Variants in PEAR1 observed in about 807,000 individuals in gnomAD.
The protein encoded by PEAR1 is multiple EGF-like domains protein 12.
Under a neutral mutation model 131.2 loss-of-function variants are expected in PEAR1, and 113 were observed. The observed-to-expected ratio is 0.86, with a 90% CI of 0.74 to 1.01. The LOEUF (loss-of-function observed/expected upper bound fraction) is 1.01, where lower values mean the gene tolerates loss of function less well. PEAR1 is among the 50% of genes least tolerant of loss of function. The probability of loss-of-function intolerance (pLI) is 0.00; values close to 1 mark genes in which losing one functional copy is unlikely to be tolerated. For missense variants in PEAR1, 1,408 were observed against 1,391.1 expected (o/e 1.01, Z -0.19); for synonymous variants, 565 against 523.3 (o/e 1.08, Z -1.09).
At position 156,912,277 on chromosome 1, in the gene PEAR1, G is replaced by T. The variant is rs751839823; in HGVS notation, c.1982G>T (p.Cys661Phe). The T allele has an allele frequency of 3.1e-6, 5 of 1,613,700 alleles. No individual in the cohort carries two copies. Among genetic ancestry groups the T allele is most frequent in the Non-Finnish European group, 3.4e-6 (4 of 1,179,954 alleles). ...CCTCCAGGACACTGGGGAGAAAACT[G>T]TGCCCAGACCTGCCAATGTCACCAT... ...PCPPGHWGENCAQTCQCHHGG... is the reference protein window; with the variant it reads ...PCPPGHWGENFAQTCQCHHGG... Residue 661 changes from cysteine to phenylalanine, a missense_variant, in exon 16 of 23, where the codon TGT (cysteine) becomes TTT (phenylalanine). Cys to Phe is a radical substitution (Grantham distance 205, BLOSUM62 -2). Coordinates refer to ENST00000292357, the MANE Select transcript of PEAR1 (RefSeq NM_001080471.3).
chr1:156,909,098 T>A, intron 11 of PEAR1, 62 bp downstream of exon 11: 1 of 1,602,876 alleles, frequency 6.2e-7, no homozygotes, highest in South Asian at 1.1e-5. Flanking sequence ...GAAGGGAGAG[T>A]CCAAGAGTAT....
At chr1:156,911,655 C>A (rs1651221328) in intron 15 of PEAR1, among the ~76,000 whole-genome samples, 2 of 151,412 alleles carry the variant, frequency 1.3e-5, no homozygotes, top group South Asian at 4.2e-4. Flanking sequence ...ACATGTATTT[C>A]TTTATTTTAT....
At chr1:156,911,288 T>TC (rs1298965149) in intron 15 of PEAR1, among the ~76,000 whole-genome samples, 1 of 147,416 alleles carries the variant, frequency 6.8e-6, no homozygotes, top group Non-Finnish European at 1.5e-5. Flanking sequence ...TTTCTTTCTT[T>TC]TTTTTTTTTT....
chr1:156,914,781 C>A lies in PEAR1; in HGVS notation c.3097C>A (p.Arg1033=), dbSNP rs147358077. 1 of 1,613,934 alleles carries A rather than the reference C, an allele frequency of 6.2e-7. No homozygotes were observed. Among genetic ancestry groups the A allele is most frequent in the Non-Finnish European group, 8.5e-7 (1 of 1,179,866 alleles). Residue 1033 remains arginine (R), a synonymous_variant, in exon 23 of 23, where the codon CGA becomes AGA. Transcript: ENST00000292357. Reference sequence around the variant, plus strand: ...ACGGCATCCCCCATCACCTCCACTTCGACGCCAGGACCGTTGAGGAGCCAG... The same window carrying A: ...ACGGCATCCCCCATCACCTCCACTTAGACGCCAGGACCGTTGAGGAGCCAG... ...PVRHPPSPPL[R]RQDR is the part of the protein sequence containing the mutation.
At chr1:156,900,630 C>T (rs554288272) in intron 1 of PEAR1, among the ~76,000 whole-genome samples, 12 of 152,238 alleles carry the variant, frequency 7.9e-5, no homozygotes, top group Middle Eastern at 3.4e-3. Flanking sequence ...CCCTGCCTGT[C>T]GCAGCTCAGT....
chr1:156,903,962 T>G lies in PEAR1; in HGVS notation c.36T>G (p.Ala12=), dbSNP rs775496951. The change falls in exon 2 of 23, where the codon GCT becomes GCG. Residue 12 remains alanine (A), a synonymous_variant. Coordinates refer to ENST00000292357, the MANE Select transcript of PEAR1 (RefSeq NM_001080471.3). Reference sequence around the variant, plus strand: ...CTCTGTGTCCCCTCCTTCTCCTGGCTGTGGGCCTGCGGCTGGCTGGAACTC... The same window carrying G: ...CTCTGTGTCCCCTCCTTCTCCTGGCGGTGGGCCTGCGGCTGGCTGGAACTC... ...SPPLCPLLLL[A]VGLRLAGTLN... 7 of 1,614,072 alleles carry G rather than the reference T, an allele frequency of 4.3e-6. No homozygotes were observed. In the Admixed American group the frequency reaches 1.2e-4, roughly 27 times the overall value.
Position 156,908,491 on chromosome 1 carries a change from G to A in PEAR1, c.1115+151G>A. The A allele has an allele frequency of 1.6e-6, 2 of 1,226,950 alleles. No homozygotes were observed. Among genetic ancestry groups the A allele is most frequent in the Non-Finnish European group, 1.1e-6 (1 of 909,216 alleles). 76.0% of individuals were successfully genotyped at this position (1,226,950 alleles called of 1,614,324 possible). A position where few individuals can be genotyped will look rare whatever the true frequency, so the allele number is the denominator to read the frequency against. ...CCTCAGGGGCCGGGAGGGGCCTGGG[G>A]TACCGCTACTTGCCCCAACCCAGTT... On this transcript the variant is annotated intron_variant, in intron 9 of 22. Coordinates refer to ENST00000292357, the MANE Select transcript of PEAR1 (RefSeq NM_001080471.3). This position sits in a 1 kb window ranked among gnomAD's most constrained non-coding sequence, Gnocchi z 4.2.
intron 11 of PEAR1, 62 bp from the exon 12 acceptor site, chr1:156,909,689 C>G: frequency 6.5e-7 from 1 of 1,541,330 alleles, no homozygotes; most frequent in Non-Finnish European, 8.8e-7. Flanking sequence ...CCAGCTCCCA[C>G]TGTGTGCTTG....
chr1:156,914,090 C>T lies in PEAR1; in HGVS notation c.2952C>T (p.Pro984=), dbSNP rs758541467. Residue 984 remains proline, a synonymous_variant, in exon 22 of 23, where the codon CCC becomes CCT. Transcript: ENST00000292357. The part of the protein sequence containing the change: ...RDSGTYEQPS[P]LIHDRDSVGS... The stretch of plus-strand genomic sequence containing the variant: ...GTGGCACCTACGAGCAGCCCAGCCC[C>T]CTGATCCATGGTGAGCCCTCCCTCT... 5.6e-6 allele frequency: 9 copies of T among 1,596,496 alleles called. No individual in the cohort carries two copies. The South Asian group carries it at 6.8e-5, about 12-fold the overall frequency.
At chr1:156,905,543 G>T in intron 4 of PEAR1, 119 bp downstream of exon 4, 6 of 879,798 alleles carry the variant, frequency 6.8e-6, no homozygotes, top group Non-Finnish European at 1.0e-5. Flanking sequence ...GCCCTTTTGG[G>T]TTCCCCCCTC....
At chr1:156,904,607 G>A (rs1650024290) in intron 2 of PEAR1, 141 bp from the exon 3 acceptor site, 2 of 815,398 alleles carry the variant, frequency 2.5e-6, no homozygotes, top group South Asian at 1.7e-5. Flanking sequence ...CAGGATGGGG[G>A]TCCCATCCTA....
chr1:156,912,562 C>A lies in PEAR1; in HGVS notation c.2149C>A (p.His717Asn). 1.9e-6 allele frequency: 3 copies of A among 1,614,070 alleles called. No homozygotes were observed. Among genetic ancestry groups the A allele is most frequent in the Non-Finnish European group, 2.5e-6 (3 of 1,180,020 alleles). ...PCQCGPGEKC[H>N]PETGACVCPP... The stretch of plus-strand genomic sequence containing the variant: ...CCAGTGTGGTCCTGGAGAAAAGTGC[C>A]ACCCAGAGACTGGGGCCTGTGTATG... The change falls in exon 17 of 23, where the codon CAC becomes AAC. Residue 717 changes from histidine (H) to asparagine (N), a missense_variant. Physicochemically the swap from His to Asn is moderately conservative, Grantham distance 68. Transcript: ENST00000292357.
chr1:156,908,188 C>T lies in PEAR1; in HGVS notation c.963C>T (p.Cys321=). ...FGQDCAETCD[C]APDARCFPAN... ...AGGACTGTGCTGAGACGTGCGACTG[C>T]GCCCCGGACGCCCGTTGCTTCCCGG... is the stretch of plus-strand genomic sequence containing the variant. The change falls in exon 9 of 23, where the codon TGC becomes TGT. Residue 321 remains cysteine, a synonymous_variant. Transcript: ENST00000292357. The surrounding 1 kb of genome is among the most constrained non-coding windows in gnomAD (Gnocchi z 4.2). 3.1e-6 allele frequency: 5 copies of T among 1,602,778 alleles called. No individual in the cohort carries two copies. The highest frequency in any genetic ancestry group is 3.4e-6 in the Non-Finnish European group (4 of 1,178,844).
chr1:156,911,298 T>TC (rs1428965824), intron 15 of PEAR1, among the ~76,000 whole-genome samples: 3 of 148,852 alleles, frequency 2.0e-5, no homozygotes, highest in Middle Eastern at 3.2e-3. Context: ...TTTTTTTTTT[T>TC]TGACACGGAA....
intron 1 of PEAR1, among the ~76,000 whole-genome samples, chr1:156,896,686 G>A (rs1288042200): frequency 6.6e-6 from 1 of 152,224 alleles, no homozygotes; most frequent in Non-Finnish European, 1.5e-5. Flanking sequence ...TCTGTGTAGC[G>A]GGAGATGTGT....
rs894616145 is a variant in PEAR1 at position 156,914,230 on chromosome 1, G to A, written c.2962+130G>A. Reference sequence around the variant, plus strand: ...GAGTGAGGCCTTTGGGGTCAGCTTCGGGCTCAAATCAGGCATGACGGGGAG... The same window carrying A: ...GAGTGAGGCCTTTGGGGTCAGCTTCAGGCTCAAATCAGGCATGACGGGGAG... On this transcript the variant is annotated intron_variant, in intron 22 of 22. Transcript: ENST00000292357. 34 of 1,403,498 alleles carry A rather than the reference G, an allele frequency of 2.4e-5. No individual in the cohort carries two copies. The African/African-American group carries it at 3.1e-4, about 13-fold the overall frequency. The allele number at this position is 1,403,498 out of a possible 1,614,324, so 86.9% of individuals were successfully genotyped here. A position where few individuals can be genotyped will look rare whatever the true frequency, so the allele number is the denominator to read the frequency against.
In PEAR1 at chr1:156,909,015, G is replaced by T; in HGVS notation, c.1390G>T (p.Gly464Cys). Reference sequence around the variant, plus strand: ...TGCCATCGCCTGCTCACCCATCGACGGCGAGTGCGTCTGCAAGGAAGGTAA... The same window carrying T: ...TGCCATCGCCTGCTCACCCATCGACTGCGAGTGCGTCTGCAAGGAAGGTAA... The part of the protein sequence containing the change: ...ENAIACSPID[G>C]ECVCKEGWQR... Residue 464 changes from glycine to cysteine, a missense_variant, in exon 11 of 23, where the codon GGC becomes TGC. Coordinates refer to ENST00000292357, the MANE Select transcript of PEAR1 (RefSeq NM_001080471.3). The T allele has an allele frequency of 1.9e-6, 3 of 1,614,066 alleles. No individual in the cohort carries two copies. The highest frequency in any genetic ancestry group is 2.5e-6 in the Non-Finnish European group (3 of 1,180,014).
At position 156,907,994 on chromosome 1, in the gene PEAR1, G is replaced by A. The variant is rs1366784655; in HGVS notation, c.845G>A (p.Gly282Asp). ...CAGGAATGTCGCTGCCACAACGGCG[G>A]CCTCTGTGACCGATTCACTGGGCAG... is the stretch of plus-strand genomic sequence containing the variant. Reference protein sequence around the residue: ...CSQECRCHNGGLCDRFTGQCR... With the variant: ...CSQECRCHNGDLCDRFTGQCR... Residue 282 changes from glycine to aspartate, a missense_variant, in exon 8 of 23, where the codon GGC (glycine) becomes GAC (aspartate). Physicochemically the swap from Gly to Asp is moderately conservative, Grantham distance 94. Transcript: ENST00000292357. 3 of 1,571,026 alleles carry A rather than the reference G, an allele frequency of 1.9e-6. No individual in the cohort carries two copies. The highest frequency in any genetic ancestry group is 2.7e-5 in the African/African-American group (2 of 73,866).
At chr1:156,904,920 C>T (rs556489101) in intron 3 of PEAR1, 68 bp downstream of exon 3, 8 of 1,601,902 alleles carry the variant, frequency 5.0e-6, no homozygotes, top group East Asian at 2.3e-5. Flanking sequence ...GGCCCCTGGC[C>T]CTCTGTACCT....
Sources: gnomAD v4.1 joint callset for allele counts (sites outside exome capture counted in the v4.1 genomes callset) on GRCh38, gnomAD v4.1.1 for gene constraint, Gnocchi (gnomAD v3.1) non-coding constraint, MANE v1.5 for transcripts, NCBI Gene and HGNC (gene_info 2026-07-23, HGNC 2026-07-21) for gene names.